Variants in NEBL observed in about 807,000 individuals in gnomAD.
NEBL encodes the protein LIM and SH3 protein 2.
In NEBL, 122 loss-of-function variants were observed where a neutral mutation model predicts 140.2. The observed-to-expected ratio is 0.87, with a 90% CI of 0.75 to 1.01. The LOEUF is 1.01. NEBL is among the 50% of genes least tolerant of loss of function. The pLI, the probability that NEBL is intolerant of heterozygous loss-of-function variation, is 0.00. For synonymous variants in NEBL, 436 were observed against 398.9 expected (o/e 1.09, Z -1.11); for missense variants, 1,365 against 1,231.3 (o/e 1.11, Z -1.62).
At chr10:21,018,731 C>T (rs556770558) in intron 3 of NEBL, among the ~76,000 whole-genome samples, 1 of 152,050 alleles carries the variant, frequency 6.6e-6, no homozygotes, top group Non-Finnish European at 1.5e-5. Flanking sequence ...TGCCTGCTCT[C>T]ATTAAGAAAG....
chr10:21,019,026 T>C (rs550224880), intron 3 of NEBL, among the ~76,000 whole-genome samples: 177 of 152,152 alleles, frequency 1.2e-3, no homozygotes, highest in Middle Eastern at 6.8e-3. Flanking sequence ...GACTCCGTTC[T>C]CCCACCCCTC....
intron 4 of NEBL, among the ~76,000 whole-genome samples, chr10:20,881,669 A>G (rs1846024219): frequency 6.6e-6 from 1 of 152,220 alleles, no homozygotes; most frequent in Non-Finnish European, 1.5e-5. Context: ...TTACTTATCT[A>G]TCTTCCCTTA....
chr10:21,081,613 A>G (rs766067766), intron 2 of NEBL, among the ~76,000 whole-genome samples: 7 of 152,366 alleles, frequency 4.6e-5, no homozygotes, highest in Non-Finnish European at 7.3e-5. Flanking sequence ...AGCAACAAGC[A>G]TACTTAATGT....
chr10:20,914,100 A>G (rs1313312779), intron 4 of NEBL, among the ~76,000 whole-genome samples: 2 of 152,194 alleles, frequency 1.3e-5, no homozygotes, highest in African/African-American at 4.8e-5. Context: ...TCAGACCAAA[A>G]GCAGACACTG....
intron 2 of NEBL, among the ~76,000 whole-genome samples, chr10:21,149,372 C>A (rs313795): frequency 0.21 from 32,112 of 151,938 alleles, 3,542 homozygotes; most frequent in East Asian, 0.35. Context: ...CTCACTGCAA[C>A]CTCCGCCTCC....
chr10:21,268,440 G>A (rs1842823930), intron 1 of NEBL, among the ~76,000 whole-genome samples: 1 of 152,150 alleles, frequency 6.6e-6, no homozygotes, highest in Non-Finnish European at 1.5e-5. Flanking sequence ...CTGTGTTCAT[G>A]CCACTGTGCT....
intron 2 of NEBL, among the ~76,000 whole-genome samples, chr10:21,054,527 T>C (rs1483697934): frequency 1.3e-5 from 2 of 152,218 alleles, no homozygotes; most frequent in African/African-American, 2.4e-5. Context: ...TTTTTCTGGC[T>C]CAAGAACAAG....
intron 2 of NEBL, among the ~76,000 whole-genome samples, chr10:21,111,253 C>A (rs978468017): frequency 8.5e-5 from 13 of 152,130 alleles, no homozygotes; most frequent in Admixed American, 3.3e-4. Flanking sequence ...CTTTAAAGTT[C>A]ATATGGAACC....
intron 4 of NEBL, among the ~76,000 whole-genome samples, chr10:20,925,477 T>C (rs979104917): frequency 3.3e-5 from 5 of 152,166 alleles, no homozygotes; most frequent in African/African-American, 1.2e-4. Flanking sequence ...TGACTGGTTC[T>C]ACTCTGTCCT....
In NEBL at chr10:20,808,630, A is replaced by G. The variant is rs1837843611; in HGVS notation, c.2641T>C (p.Ser881Pro). The G allele has an allele frequency of 6.2e-7, 1 of 1,613,390 alleles. No individual in the cohort carries two copies. Among genetic ancestry groups the G allele is most frequent in the African/African-American group, 1.3e-5 (1 of 74,880 alleles). ...EKASHYRRHW[S>P]RSHSSSTFGT... ...AAAGTACTGCTGGAATGGGATCGAG[A>G]CCAGTGTCGCCTATAGTGACTCGCC... Residue 881 changes from serine (S) to proline (P), a missense_variant, in exon 26 of 28, where the codon TCT becomes CCT. By Grantham distance (74) the Ser-to-Pro change is moderately conservative. Around this residue, in one of 2 missense-constraint regions of NEBL, gnomAD observed 1,323 missense variants for 1,154.8 expected, o/e 1.15. Coordinates refer to ENST00000377122, the MANE Select transcript of NEBL (RefSeq NM_006393.3).
At chr10:21,185,597 C>T (rs1278444897) in intron 3 of NEBL, among the ~76,000 whole-genome samples, 1 of 135,074 alleles carries the variant, frequency 7.4e-6, no homozygotes, top group Non-Finnish European at 1.5e-5. Context: ...CTCCCAGGTT[C>T]AAGTGATTCT....
intron 4 of NEBL, among the ~76,000 whole-genome samples, chr10:20,916,688 G>T (rs1410935801): frequency 6.6e-6 from 1 of 152,200 alleles, no homozygotes; most frequent in Non-Finnish European, 1.5e-5. Context: ...GGGATTACAA[G>T]TGTGAGCCAC....
At chr10:21,144,934 T>C (rs1839822572) in intron 2 of NEBL, among the ~76,000 whole-genome samples, 1 of 142,382 alleles carries the variant, frequency 7.0e-6, no homozygotes, top group South Asian at 2.2e-4. Flanking sequence ...CATGTTCAAG[T>C]ATATAAAAAG....
At position 21,180,138 on chromosome 10, in the gene NEBL, GA is replaced by G. The variant is rs201765784; in HGVS notation, n.349-7662del. 6.4e-3 allele frequency among the ~76,000 whole-genome samples: 895 copies of G among 139,968 alleles called. 10 individuals carry two copies. The highest frequency in any genetic ancestry group is 0.02 in the East Asian group (97 of 4,888). 91.8% of individuals were successfully genotyped at this position (139,968 alleles called of 152,430 possible). On this transcript the variant is annotated intron_variant and non_coding_transcript_variant, in intron 3 of 8. Coordinates refer to the NEBL transcript ENST00000675702. ...GGTAACAGAGTGAGACTCGGTCTCA[GA>G]AAAAAAAAAAGAAAAAAGAAAAGGC...
chr10:20,920,690 TG>T (rs1358972116), intron 4 of NEBL, among the ~76,000 whole-genome samples: 1 of 151,464 alleles, frequency 6.6e-6, no homozygotes, highest in Non-Finnish European at 1.5e-5. Context: ...AAGGAAGAAA[TG>T]GGGAAAAAAG....
chr10:21,216,822 T>C (rs1841998723), intron 3 of NEBL, among the ~76,000 whole-genome samples: 1 of 149,658 alleles, frequency 6.7e-6, no homozygotes, highest in South Asian at 2.1e-4. Context: ...AACCCATCAC[T>C]ACTAAATATA....
intron 2 of NEBL, chr10:21,030,820 T>C (rs1433771412): frequency 2.8e-6 from 1 of 358,302 alleles, no homozygotes; most frequent in Non-Finnish European, 5.5e-6. Flanking sequence ...TTTGTGACAA[T>C]GATATTAGTC....
rs538888604 is a variant in NEBL, at chr10:20,786,196, T to C, written c.2869-273A>G. Reference sequence around the variant, plus strand: ...TAGGCTTTGAAATAATAAAGCCAAGTTCCCCCCAACTTCAGATAACCCCAG... The same window carrying C: ...TAGGCTTTGAAATAATAAAGCCAAGCTCCCCCCAACTTCAGATAACCCCAG... On this transcript the variant is annotated intron_variant, in intron 27 of 27. Transcript: ENST00000377122. Among the ~76,000 whole-genome samples the C allele has an allele frequency of 2.0e-5, 3 of 152,234 alleles. No homozygotes were observed. The East Asian group carries it at 5.8e-4, about 29-fold the overall frequency.
At chr10:21,175,640 G>T (rs960144736), upstream of NEBL, among the ~76,000 whole-genome samples, 6 of 152,178 alleles carry the variant, frequency 3.9e-5, no homozygotes, top group African/African-American at 7.2e-5. Flanking sequence ...TTCTTTAAAG[G>T]ATTCACCAAA....
Sources: gnomAD v4.1 joint callset for allele counts (sites outside exome capture counted in the v4.1 genomes callset) on GRCh38, gnomAD v4.1.1 for gene constraint, gnomAD v4.1.1 regional missense constraint, MANE v1.5 for transcripts, NCBI Gene and HGNC (gene_info 2026-07-23, HGNC 2026-07-21) for gene names.